The following TCF20 variants were observed in gnomAD, a reference collection of about 807,000 sequenced individuals.
TCF20 encodes transcription factor 20.
TCF20 carries 3 observed loss-of-function variants against 148.6 expected under a neutral mutation model. That is an observed-to-expected ratio of 0.02 (90% CI 0.01 to 0.05). The LOEUF is 0.05. Ranked by LOEUF, TCF20 falls within the 10% of genes least tolerant of loss-of-function variation. The pLI, the probability that TCF20 is intolerant of heterozygous loss-of-function variation, is 1.00. For missense variants in TCF20, 2,350 were observed against 2,429.3 expected (o/e 0.97, Z 0.69); for synonymous variants, 1,049 against 909.5 (o/e 1.15, Z -2.76).
chr22:42,213,444 C>T lies in TCF20; in HGVS notation c.1862G>A (p.Gly621Asp), dbSNP rs1206052340. The change falls in exon 2 of 6, where the codon GGT becomes GAT. Residue 621 changes from glycine to aspartate, a missense_variant. Around this residue, in one of 7 missense-constraint regions of TCF20, gnomAD observed 1,641 missense variants for 1,662.6 expected, o/e 0.99. Coordinates refer to ENST00000677622, the MANE Select transcript of TCF20 (RefSeq NM_001378418.1). Reference protein sequence around the residue: ...EAMTGRVEKPGGQDKGSQEDD... With the variant: ...EAMTGRVEKPDGQDKGSQEDD... ...CTCTTGGGAGCCTTTATCTTGTCCA[C>T]CAGGCTTTTCTACCCGACCTGTCAT... The T allele has an allele frequency of 3.1e-6, 5 of 1,614,080 alleles. No homozygotes were observed. The highest frequency in any genetic ancestry group is 2.7e-5 in the African/African-American group (2 of 74,908).
At chr22:42,174,325 C>T (rs1374092233) in intron 3 of TCF20, among the ~76,000 whole-genome samples, 1 of 152,176 alleles carries the variant, frequency 6.6e-6, no homozygotes, top group Non-Finnish European at 1.5e-5. Flanking sequence ...TCCATCATTG[C>T]AGTATGTTAG....
chr22:42,216,101 T>TG (rs1555928727), intron 1 of TCF20, among the ~76,000 whole-genome samples: 1 of 134,010 alleles, frequency 7.5e-6, no homozygotes, highest in African/African-American at 3.1e-5. Context: ...TTTTTTTTTT[T>TG]TTTTTTGAGA....
intron 1 of TCF20, among the ~76,000 whole-genome samples, chr22:42,280,594 G>A (rs1031612720): frequency 6.6e-6 from 1 of 152,164 alleles, no homozygotes; most frequent in African/African-American, 2.4e-5. Context: ...TACATAGTTA[G>A]GCAACTAGAA....
intron 5 of TCF20, among the ~76,000 whole-genome samples, chr22:42,164,815 A>G (rs1028232646): frequency 1.3e-5 from 2 of 152,240 alleles, no homozygotes; most frequent in African/African-American, 2.4e-5. Context: ...TGTTTTCAAC[A>G]TGAAGATGGG....
At chr22:42,326,461 G>A (rs1878661388) in intron 1 of TCF20, among the ~76,000 whole-genome samples, 1 of 152,214 alleles carries the variant, frequency 6.6e-6, no homozygotes, top group African/African-American at 2.4e-5. Context: ...ACCGTCGCCT[G>A]CTATGCTGCC....
chr22:42,233,152 C>T (rs1923584321), intron 1 of TCF20, among the ~76,000 whole-genome samples: 1 of 152,110 alleles, frequency 6.6e-6, no homozygotes, highest in African/African-American at 2.4e-5. Context: ...GGACTCCTGA[C>T]CTGAAGTCAT....
upstream of TCF20, among the ~76,000 whole-genome samples, chr22:42,286,335 A>T (rs1407129704): frequency 2.6e-5 from 4 of 152,090 alleles, no homozygotes; most frequent in Non-Finnish European, 4.4e-5. Flanking sequence ...TGAATTGAAG[A>T]ACTGCAATTC....
At chr22:42,243,463 A>C (rs1175352573) in intron 1 of TCF20, among the ~76,000 whole-genome samples, 1 of 151,816 alleles carries the variant, frequency 6.6e-6, no homozygotes, top group African/African-American at 2.4e-5. Context: ...ATTAGCAGGC[A>C]TGGTGGTGGG....
chr22:42,200,844 C>T (rs529129317), intron 2 of TCF20, among the ~76,000 whole-genome samples: 30 of 152,258 alleles, frequency 2.0e-4, no homozygotes, highest in Admixed American at 5.2e-4. Context: ...AAAACACAAA[C>T]CTGTACATGT....
chr22:42,286,062 G>A (rs763461873), upstream of TCF20, among the ~76,000 whole-genome samples: 52 of 152,312 alleles, frequency 3.4e-4, no homozygotes, highest in Admixed American at 1.3e-3. Flanking sequence ...CTCACTGGGT[G>A]ACCTTAGACA....
In TCF20 at chr22:42,162,105, C is replaced by CA. The variant is rs1291675795; in HGVS notation, c.*45-748dup. ...AAGTGATTCTTGTGCCTCAGCCTCC[C>CA]AAATAGCTGGGATCACAGGTGCACG... On this transcript the variant is annotated intron_variant, in intron 5 of 5. Coordinates refer to ENST00000677622, the MANE Select transcript of TCF20 (RefSeq NM_001378418.1). Among the ~76,000 whole-genome samples the CA allele has an allele frequency of 4.6e-5, 7 of 150,732 alleles. 1 individual carries two copies. In the East Asian group the frequency reaches 1.4e-3, roughly 30 times the overall value.
chr22:42,212,678 A>G lies in TCF20; in HGVS notation c.2628T>C (p.Ile876=), dbSNP rs1317460593. The G allele has an allele frequency of 3.7e-6, 6 of 1,614,048 alleles. No individual in the cohort carries two copies. Among genetic ancestry groups the G allele is most frequent in the Non-Finnish European group, 5.1e-6 (6 of 1,180,024 alleles). ...GTGAGTGAGCCCCTGGGTCCCTGAC[A>G]ATCTGTCTTAGTGGAGAAATATCAC... The part of the protein sequence containing the change: ...VICDISPLRQ[I]VRDPGAHSLG... The change falls in exon 2 of 6, where the codon ATT becomes ATC. Residue 876 remains isoleucine (I), a synonymous_variant. Transcript: ENST00000677622.
At chr22:42,172,467 G>T (rs1276429222) in intron 3 of TCF20, among the ~76,000 whole-genome samples, 1 of 152,218 alleles carries the variant, frequency 6.6e-6, no homozygotes, top group African/African-American at 2.4e-5. Context: ...TCTGCATAGT[G>T]AAGTCAAAGT....
intron 1 of TCF20, among the ~76,000 whole-genome samples, chr22:42,221,746 T>G (rs1040508720): frequency 7.6e-6 from 1 of 131,394 alleles, no homozygotes; most frequent in Non-Finnish European, 1.6e-5. Flanking sequence ...AGGGTTTTTT[T>G]TTTTTTTTTT....
upstream of TCF20, among the ~76,000 whole-genome samples, chr22:42,284,010 C>T (rs1051819072): frequency 7.9e-5 from 12 of 152,222 alleles, no homozygotes; most frequent in Admixed American, 7.8e-4. Context: ...CTGCCCAAGC[C>T]GGCAAGTGAA....
At chr22:42,262,736 C>T (rs1369501118) in intron 1 of TCF20, among the ~76,000 whole-genome samples, 1 of 152,010 alleles carries the variant, frequency 6.6e-6, no homozygotes, top group Non-Finnish European at 1.5e-5. Context: ...GCTCAGCAGG[C>T]TGATGAGGAA....
At position 42,212,295 on chromosome 22, in the gene TCF20, C is replaced by T. The variant is rs1378484750; in HGVS notation, c.3011G>A (p.Arg1004Gln). Reference sequence around the variant, plus strand: ...AAAGTCATGATATTGAGAAGGGGACCGACCCCTCATGCCCTCCCGACCACC... The same window carrying T: ...AAAGTCATGATATTGAGAAGGGGACTGACCCCTCATGCCCTCCCGACCACC... ...RVGGREGMRG[R>Q]SPSQYHDFAE... The change falls in exon 2 of 6, where the codon CGG becomes CAG. Residue 1004 changes from arginine to glutamine, a missense_variant. Arg to Gln is a conservative substitution (Grantham distance 43). This residue lies in a region of TCF20 where 1,641 missense variants were observed against 1,662.6 expected (regional missense o/e 0.99). Transcript: ENST00000677622. 10 of 1,614,032 alleles carry T rather than the reference C, an allele frequency of 6.2e-6. No individual in the cohort carries two copies. The highest frequency in any genetic ancestry group is 5.0e-5 in the Admixed American group (3 of 60,006).
chr22:42,168,806 G>A, intron 4 of TCF20, 70 bp from the exon 5 acceptor site: 4 of 1,496,868 alleles, frequency 2.7e-6, no homozygotes, highest in Non-Finnish European at 3.6e-6. Context: ...GGAGGGCAAA[G>A]GGAGGACAGG....
intron 2 of TCF20, among the ~76,000 whole-genome samples, chr22:42,196,226 G>A (rs1166937076): frequency 6.6e-6 from 1 of 152,182 alleles, no homozygotes; most frequent in Non-Finnish European, 1.5e-5. Context: ...GGTGCTAAGT[G>A]GTGTAACAGG....
Sources: allele counts gnomAD v4.1 joint callset (sites outside exome capture counted in the v4.1 genomes callset), GRCh38; gene constraint gnomAD v4.1.1; regional missense constraint gnomAD v4.1.1; transcripts MANE v1.5; gene names NCBI Gene and HGNC (gene_info 2026-07-23, HGNC 2026-07-21).